Variants in AFF2 observed in about 807,000 individuals in gnomAD.
The protein encoded by AFF2 is ALF transcription elongation factor 2.
In AFF2, 14 loss-of-function variants were observed where a neutral mutation model predicts 76.9. The ratio of observed to expected loss-of-function variants is 0.18; its 90% confidence interval spans 0.12 to 0.28. The LOEUF (loss-of-function observed/expected upper bound fraction) is 0.28, where lower values mean the gene tolerates loss of function less well. Among genes scored for constraint, AFF2 ranks in the 10% least tolerant of loss-of-function variants. The probability of loss-of-function intolerance (pLI) is 1.00; values close to 1 mark genes in which losing one functional copy is unlikely to be tolerated. For missense variants in AFF2, 868 were observed against 1,001.1 expected (o/e 0.87, Z 1.79); for synonymous variants, 398 against 366.7 (o/e 1.09, Z -0.98).
At chrX:148,554,151 G>A (rs1374704310) in intron 1 of AFF2, among the ~76,000 whole-genome samples, 2 of 112,407 alleles carry the variant, frequency 1.8e-5, no homozygotes, top group African/African-American at 3.2e-5. Context: ...ATATTTACCA[G>A]AGCTGTCAAA....
In AFF2 at chrX:148,834,863, C is replaced by T. The variant is rs956310752; in HGVS notation, c.1087-2784C>T. 7.1e-5 allele frequency among the ~76,000 whole-genome samples: 8 copies of T among 112,045 alleles called. No individual in the cohort carries two copies. In the South Asian group the frequency reaches 1.5e-3, roughly 21 times the overall value. ...TGAAAGAGCTTGCTTGCTCCAAAGT[C>T]CTTTGAGGAAGATATTCTTTCAGGA... On this transcript the variant is annotated intron_variant, in intron 4 of 20. Transcript: ENST00000370460.
intron 1 of AFF2, among the ~76,000 whole-genome samples, chrX:148,627,371 A>G (rs923583520): frequency 2.5e-4 from 28 of 112,130 alleles, no homozygotes; most frequent in African/African-American, 9.1e-4. Context: ...GACACAAGAC[A>G]AAGGAGGGAT....
intron 3 of AFF2, among the ~76,000 whole-genome samples, chrX:148,701,044 G>GTGTA (rs2054791276): frequency 9.1e-6 from 1 of 110,099 alleles, no homozygotes; most frequent in East Asian, 2.9e-4. Flanking sequence ...GTGTGTGTGT[G>GTGTA]TGTGTGTGTT....
At chrX:148,523,053 G>C (rs1245151594) in intron 1 of AFF2, among the ~76,000 whole-genome samples, 1 of 111,926 alleles carries the variant, frequency 8.9e-6, no homozygotes, top group Non-Finnish European at 1.9e-5. Context: ...CTTGCTCTCT[G>C]TAGCATCTTT....
chrX:148,762,692 A>G (rs1293651816), intron 3 of AFF2, among the ~76,000 whole-genome samples: 1 of 110,015 alleles, frequency 9.1e-6, no homozygotes, highest in African/African-American at 3.3e-5. Flanking sequence ...CATTTCGTGT[A>G]CCCCATGCAT....
At chrX:148,841,084 C>T (rs1295157011) in intron 5 of AFF2, among the ~76,000 whole-genome samples, 1 of 111,531 alleles carries the variant, frequency 9.0e-6, no homozygotes, top group Non-Finnish European at 1.9e-5. Context: ...GGTGTAAAGT[C>T]CAAAACATTT....
chrX:148,949,081 A>G (rs191190812), intron 9 of AFF2, among the ~76,000 whole-genome samples: 1 of 110,772 alleles, frequency 9.0e-6, no homozygotes, highest in Admixed American at 9.6e-5. Context: ...AGACCTGCAC[A>G]TTGTTTGAAA....
intron 4 of AFF2, among the ~76,000 whole-genome samples, chrX:148,833,983 G>A (rs150701095): frequency 8.3e-4 from 93 of 112,132 alleles, no homozygotes; most frequent in African/African-American, 2.9e-3. Context: ...CAGCTTTCGT[G>A]TCTAAATTGG....
intron 3 of AFF2, among the ~76,000 whole-genome samples, chrX:148,698,595 T>C (rs1399677692): frequency 8.9e-6 from 1 of 112,227 alleles, no homozygotes; most frequent in Non-Finnish European, 1.9e-5. Flanking sequence ...ACTTAGCACA[T>C]GCAAAAAATG....
intron 1 of AFF2, among the ~76,000 whole-genome samples, chrX:148,522,862 T>C (rs1464681947): frequency 8.9e-6 from 1 of 112,726 alleles, no homozygotes; most frequent in Non-Finnish European, 1.9e-5. Flanking sequence ...ATTTATAAAC[T>C]ATTCCAATAA....
chrX:148,939,964 T>C (rs977613875), intron 9 of AFF2, among the ~76,000 whole-genome samples: 2 of 112,153 alleles, frequency 1.8e-5, no homozygotes, highest in African/African-American at 3.2e-5. Flanking sequence ...TGAAATATAA[T>C]TATAGTGAAA....
chrX:148,546,675 C>T (rs1354979959), intron 1 of AFF2, among the ~76,000 whole-genome samples: 1 of 112,137 alleles, frequency 8.9e-6, no homozygotes, highest in East Asian at 2.8e-4. Context: ...AAGCACAGCT[C>T]ATTTTCTTCT....
At chrX:148,672,609 T>C (rs1557259185) in intron 3 of AFF2, among the ~76,000 whole-genome samples, 1 of 112,400 alleles carries the variant, frequency 8.9e-6, no homozygotes, top group African/African-American at 3.2e-5. Context: ...TAAAATTCCC[T>C]TCTTAGGTTC....
At chrX:148,579,331 G>A (rs1454502843) in intron 1 of AFF2, among the ~76,000 whole-genome samples, 1 of 111,763 alleles carries the variant, frequency 8.9e-6, no homozygotes, top group African/African-American at 3.3e-5. Flanking sequence ...TATTTGGTCT[G>A]TAAATAACAT....
At chrX:148,628,845 C>T (rs908031984) in intron 1 of AFF2, among the ~76,000 whole-genome samples, 4 of 112,176 alleles carry the variant, frequency 3.6e-5, no homozygotes, top group Non-Finnish European at 7.5e-5. Flanking sequence ...CAGTCTCTAG[C>T]AGGCATCTCT....
At chrX:148,792,458 A>C (rs1222562791) in intron 3 of AFF2, among the ~76,000 whole-genome samples, 5 of 112,707 alleles carry the variant, frequency 4.4e-5, no homozygotes, top group African/African-American at 1.6e-4. Context: ...CGTCTCCAAA[A>C]AATAAAAATA....
chrX:148,948,605 G>A (rs1395774420), intron 9 of AFF2, among the ~76,000 whole-genome samples: 2 of 111,225 alleles, frequency 1.8e-5, no homozygotes, highest in Non-Finnish European at 3.8e-5. Context: ...AGGGGCTGGA[G>A]GGAAATTTTA....
intron 2 of AFF2, among the ~76,000 whole-genome samples, chrX:148,656,520 G>A (rs1315357972): frequency 4.3e-5 from 3 of 69,731 alleles, no homozygotes; most frequent in Non-Finnish European, 7.5e-5. Context: ...TTTTTTTTGA[G>A]ACGGAGTCTC....
Position 148,995,692 on chromosome X carries a change from T to C in AFF2, c.*4360T>C, listed in dbSNP as rs1050626944. 6 of 113,116 alleles carry C rather than the reference T, an allele frequency of 5.3e-5. No homozygotes were observed. Among genetic ancestry groups the C allele is most frequent in the African/African-American group, 1.9e-4 (6 of 31,030 alleles). 9.3% of individuals were successfully genotyped at this position (113,116 alleles called of 1,213,427 possible). ...GTTTCATTAACTGTGCAGTGTAGAC[T>C]AATGGTGTTTAATAAAAATCATTCA... On this transcript the variant is annotated 3_prime_UTR_variant, in exon 21 of 21. Coordinates refer to ENST00000370460, the MANE Select transcript of AFF2 (RefSeq NM_002025.4).
Sources: gnomAD v4.1 joint callset for allele counts (sites outside exome capture counted in the v4.1 genomes callset) on GRCh38, gnomAD v4.1.1 for gene constraint, MANE v1.5 for transcripts, NCBI Gene and HGNC (gene_info 2026-07-23, HGNC 2026-07-21) for gene names.